Variants in TANGO6 observed in about 807,000 individuals in gnomAD.
The protein encoded by TANGO6 is transport and golgi organization 6 homolog.
In TANGO6, 90 loss-of-function variants were observed where a neutral mutation model predicts 114.2. That is an observed-to-expected ratio of 0.79 (90% confidence interval 0.66 to 0.94). The LOEUF is 0.94. Among genes scored for constraint, TANGO6 ranks in the 40% least tolerant of loss-of-function variants. The pLI is 0.00. For synonymous variants in TANGO6, 477 were observed against 509.8 expected (o/e 0.94, Z 0.87); for missense variants, 1,274 against 1,315.3 (o/e 0.97, Z 0.49).
chr16:69,071,767 T>TA (rs1960298556), intron 17 of TANGO6, among the ~76,000 whole-genome samples: 2 of 152,234 alleles, frequency 1.3e-5, no homozygotes, highest in South Asian at 2.1e-4. Context: ...ATCTTAAAGA[T>TA]ACAACCACTC....
At chr16:68,978,955 C>T (rs1274586797) in intron 15 of TANGO6, among the ~76,000 whole-genome samples, 4 of 137,584 alleles carry the variant, frequency 2.9e-5, no homozygotes, top group Admixed American at 1.6e-4. Flanking sequence ...GACAGGGTCT[C>T]GTTCTGTTGC....
intron 14 of TANGO6, among the ~76,000 whole-genome samples, chr16:68,945,908 A>C (rs960029775): frequency 6.6e-6 from 1 of 151,460 alleles, no homozygotes; most frequent in Non-Finnish European, 1.5e-5. Context: ...CTGGTCTCGA[A>C]CTCCTGACCT....
At chr16:68,953,650 C>T (rs576553651) in intron 14 of TANGO6, among the ~76,000 whole-genome samples, 14 of 152,100 alleles carry the variant, frequency 9.2e-5, no homozygotes, top group African/African-American at 2.9e-4. Context: ...TTTAAATAGC[C>T]GTTCTGTAGG....
chr16:69,056,104 G>A (rs2152238667), intron 17 of TANGO6, among the ~76,000 whole-genome samples: 1 of 152,188 alleles, frequency 6.6e-6, no homozygotes, highest in South Asian at 2.1e-4. Flanking sequence ...TACCTTGCTG[G>A]GATTGCTAAG....
In TANGO6 at chr16:69,085,017, T is replaced by C. The variant is rs1960515924; in HGVS notation, c.*1356T>C. 6.6e-6 allele frequency: 1 copy of C among 152,292 alleles called. No homozygotes were observed. Among genetic ancestry groups the C allele is most frequent in the African/African-American group, 2.4e-5 (1 of 41,444 alleles). 9.4% of individuals were successfully genotyped at this position (152,292 alleles called of 1,614,324 possible). A position where few individuals can be genotyped will look rare whatever the true frequency, so the allele number is the denominator to read the frequency against. ...GAGAGTTAGAACAAATCTAGCTAGG[T>C]GTGTTTAAGGAATATTTCCATTCAG... is the stretch of plus-strand genomic sequence containing the variant. On this transcript the variant is annotated 3_prime_UTR_variant, in exon 18 of 18. Transcript: ENST00000261778.
intron 12 of TANGO6, among the ~76,000 whole-genome samples, chr16:68,921,591 A>G (rs1364319095): frequency 6.9e-6 from 1 of 145,748 alleles, no homozygotes; most frequent in Non-Finnish European, 1.5e-5. Flanking sequence ...GTCTTTTTCC[A>G]CAAGGTGAGA....
chr16:68,870,045 A>G (rs573821902), intron 4 of TANGO6, among the ~76,000 whole-genome samples: 8 of 152,330 alleles, frequency 5.3e-5, no homozygotes, highest in Admixed American at 2.0e-4. Context: ...AAGAGAGAAC[A>G]TGATCAAATC....
chr16:68,928,648 G>C (rs1041904884), intron 13 of TANGO6, among the ~76,000 whole-genome samples: 1 of 152,114 alleles, frequency 6.6e-6, no homozygotes, highest in Admixed American at 6.5e-5. Context: ...AGGAAAAAGA[G>C]AAAGTTGAAA....
intron 17 of TANGO6, among the ~76,000 whole-genome samples, chr16:69,075,455 ATTTT>A (rs34374864): frequency 1.4e-5 from 2 of 138,942 alleles, no homozygotes. Flanking sequence ...TTCAACTTTT[ATTTT>A]TTTTTTTTTT....
intron 14 of TANGO6, among the ~76,000 whole-genome samples, chr16:68,953,322 A>T (rs1567547477): frequency 6.6e-6 from 1 of 151,988 alleles, no homozygotes; most frequent in Non-Finnish European, 1.5e-5. Flanking sequence ...ACCTCAGGTG[A>T]TACACCTGCC....
At chr16:69,077,935 TTTTA>T (rs1473649242) in intron 17 of TANGO6, among the ~76,000 whole-genome samples, 1 of 152,134 alleles carries the variant, frequency 6.6e-6, no homozygotes, top group Non-Finnish European at 1.5e-5. Flanking sequence ...TTATTTTATT[TTTTA>T]TTTGTTTATT....
At chr16:68,962,353 T>A (rs1320082251) in intron 14 of TANGO6, among the ~76,000 whole-genome samples, 1 of 152,224 alleles carries the variant, frequency 6.6e-6, no homozygotes, top group Non-Finnish European at 1.5e-5. Flanking sequence ...GGTGATTCTC[T>A]TTTCTTAATC....
intron 15 of TANGO6, among the ~76,000 whole-genome samples, chr16:69,022,127 C>G (rs575431865): frequency 6.6e-6 from 1 of 151,960 alleles, no homozygotes; most frequent in African/African-American, 2.4e-5. Flanking sequence ...ACCTCGTGAT[C>G]CGCCCACCTC....
intron 15 of TANGO6, among the ~76,000 whole-genome samples, chr16:68,983,699 C>G (rs1000818742): frequency 6.6e-6 from 1 of 152,124 alleles, no homozygotes; most frequent in African/African-American, 2.4e-5. Context: ...ACATCCGTTC[C>G]TCATCATCAT....
In TANGO6 at chr16:69,020,663, G is replaced by A. The variant is rs1187459947; in HGVS notation, c.2843-2165G>A. On this transcript the variant is annotated intron_variant, in intron 15 of 17. Coordinates refer to ENST00000261778, the MANE Select transcript of TANGO6 (RefSeq NM_024562.2). Reference sequence around the variant, plus strand: ...GCTTGTAATCCTAACACTTTGGGAGGTAGAGGCAGGAGGATCACTTGAGTT... The same window carrying A: ...GCTTGTAATCCTAACACTTTGGGAGATAGAGGCAGGAGGATCACTTGAGTT... Among the ~76,000 whole-genome samples the A allele has an allele frequency of 2.0e-5, 3 of 152,244 alleles. No individual in the cohort carries two copies. The South Asian group carries it at 6.2e-4, about 32-fold the overall frequency.
chr16:68,893,475 C>G (rs1407565981), intron 7 of TANGO6, among the ~76,000 whole-genome samples: 1 of 152,128 alleles, frequency 6.6e-6, no homozygotes, highest in Non-Finnish European at 1.5e-5. Context: ...CACAGTGGCT[C>G]ATGCCTGTAA....
chr16:69,022,030 C>T (rs201971193), intron 15 of TANGO6, among the ~76,000 whole-genome samples: 3 of 151,566 alleles, frequency 2.0e-5, no homozygotes, highest in Non-Finnish European at 2.9e-5. Flanking sequence ...GGACTACAGG[C>T]GCCCGCCACC....
At chr16:69,000,386 T>C (rs1964029659) in intron 15 of TANGO6, among the ~76,000 whole-genome samples, 1 of 152,178 alleles carries the variant, frequency 6.6e-6, no homozygotes, top group South Asian at 2.1e-4. Context: ...CTTAAAACAC[T>C]TGATATTATA....
intron 1 of TANGO6, among the ~76,000 whole-genome samples, chr16:68,848,039 CTTCTG>C (rs1265573207): frequency 1.3e-5 from 2 of 150,462 alleles, no homozygotes; most frequent in African/African-American, 4.9e-5. Context: ...ATTTCTTACA[CTTCTG>C]TTCTCATTAT....
Sources: allele counts gnomAD v4.1 joint callset (sites outside exome capture counted in the v4.1 genomes callset), GRCh38; gene constraint gnomAD v4.1.1; transcripts MANE v1.5; gene names NCBI Gene and HGNC (gene_info 2026-07-23, HGNC 2026-07-21).